The following USP40 variants were observed in gnomAD, a reference collection of about 807,000 sequenced individuals.
The protein encoded by USP40 is ubiquitin carboxyl-terminal hydrolase 40.
Under a neutral mutation model 166.2 loss-of-function variants are expected in USP40, and 143 were observed. The observed-to-expected ratio is 0.86, with a 90% CI of 0.75 to 0.99. USP40 has a LOEUF of 0.99. Ranked by LOEUF, USP40 falls within the 50% of genes least tolerant of loss-of-function variation. USP40 has a pLI of 0.00. For missense variants in USP40, 1,444 were observed against 1,479.7 expected (o/e 0.98, Z 0.40); for synonymous variants, 498 against 524.0 (o/e 0.95, Z 0.68).
At chr2:233,497,585 T>C (rs2065821530) in intron 23 of USP40, among the ~76,000 whole-genome samples, 1 of 152,218 alleles carries the variant, frequency 6.6e-6, no homozygotes, top group Admixed American at 6.5e-5. Flanking sequence ...GAAAGATACC[T>C]GGCAAGGCTG....
At chr2:233,550,437 C>T (rs963906667) in intron 7 of USP40, among the ~76,000 whole-genome samples, 2 of 151,358 alleles carry the variant, frequency 1.3e-5, no homozygotes, top group African/African-American at 2.4e-5. Context: ...TATTTGGTTA[C>T]GTCAATAATA....
rs755588227 is a variant in USP40 at position 233,556,850 on chromosome 2, T to A, written c.546+5A>T. On this transcript the variant is annotated splice_donor_5th_base_variant and intron_variant, in intron 5 of 31. Transcript: ENST00000678225. ...CTTATTACTAAAATACTCTGGCATA[T>A]TTACCTGCCTCTCGCTAACGTTCTT... The A allele has an allele frequency of 1.2e-5, 19 of 1,606,386 alleles. No homozygotes were observed. The South Asian group carries it at 1.9e-4, about 16-fold the overall frequency.
In USP40 at chr2:233,502,209, G is replaced by C. The variant is rs114839441; in HGVS notation, c.2614-2294C>G. ...ATACATCACTTTTGAAAAGTTTTGTGGTTTCTTTCCTTGAAATTAAAAAAT... is the reference window on the plus strand; with the variant it reads ...ATACATCACTTTTGAAAAGTTTTGTCGTTTCTTTCCTTGAAATTAAAAAAT... On this transcript the variant is annotated intron_variant, in intron 21 of 31. Coordinates refer to ENST00000678225, the MANE Select transcript of USP40 (RefSeq NM_001365479.2). 3.2e-3 allele frequency among the ~76,000 whole-genome samples: 485 copies of C among 152,164 alleles called. 3 individuals are homozygous for C. The highest frequency in any genetic ancestry group is 0.011 in the African/African-American group (463 of 41,492).
intron 3 of USP40, chr2:233,560,940 T>G (rs1376413903): frequency 1.4e-6 from 1 of 690,766 alleles, no homozygotes; most frequent in Non-Finnish European, 2.6e-6. Context: ...GAGTGTTACA[T>G]GTTTATAAAG....
chr2:233,494,979 T>TATATAC (rs1197969295), intron 24 of USP40, among the ~76,000 whole-genome samples: 44 of 74,918 alleles, frequency 5.9e-4, no homozygotes, highest in African/African-American at 2.2e-3. Flanking sequence ...TATATATATA[T>TATATAC]ACACACACAT....
At chr2:233,497,666 A>T (rs146970128) in intron 23 of USP40, among the ~76,000 whole-genome samples, 307 of 152,372 alleles carry the variant, frequency 2.0e-3, no homozygotes, top group Non-Finnish European at 2.8e-3. Flanking sequence ...TTTGGGAATT[A>T]ATAGAGAAGA....
intron 26 of USP40, chr2:233,489,728 A>C: frequency 2.5e-6 from 1 of 407,970 alleles, no homozygotes; most frequent in Non-Finnish European, 4.3e-6. Context: ...CCCTCTCTCT[A>C]AATCTGAGTC....
At chr2:233,530,150 C>A (rs2068397265) in intron 11 of USP40, among the ~76,000 whole-genome samples, 1 of 151,228 alleles carries the variant, frequency 6.6e-6, no homozygotes, top group African/African-American at 2.4e-5. Flanking sequence ...TGTAAAAATT[C>A]TGGAATTTTT....
chr2:233,528,967 G>A lies in USP40; in HGVS notation c.1553+464C>T, dbSNP rs149766507. 4.1e-4 allele frequency among the ~76,000 whole-genome samples: 62 copies of A among 152,342 alleles called. 1 individual carries two copies. The East Asian group carries it at 0.012, about 29-fold the overall frequency. On this transcript the variant is annotated intron_variant, in intron 12 of 31. Transcript: ENST00000678225. ...CATCATAGGCTTTCCCCCAAGATCA[G>A]CATTGCATTCAATAGGTTATAGCAT...
chr2:233,565,216 TA>T (rs1428944682), intron 2 of USP40, 139 bp downstream of exon 2: 1 of 683,866 alleles, frequency 1.5e-6, no homozygotes, highest in African/African-American at 1.8e-5. Context: ...ATTACCAATT[TA>T]TATCTTATAT....
intron 25 of USP40, among the ~76,000 whole-genome samples, chr2:233,491,817 A>T (rs1260436164): frequency 2.6e-5 from 4 of 152,288 alleles, no homozygotes; most frequent in Middle Eastern, 3.4e-3. Flanking sequence ...AAGTTTGTTT[A>T]AAAAAAGGGA....
chr2:233,564,498 G>A (rs1168364837), intron 2 of USP40, among the ~76,000 whole-genome samples: 2 of 152,024 alleles, frequency 1.3e-5, no homozygotes, highest in Admixed American at 6.6e-5. Flanking sequence ...AGAAACAGGG[G>A]CAAGAAATCA....
intron 18 of USP40, among the ~76,000 whole-genome samples, chr2:233,515,073 G>A (rs1190867598): frequency 1.3e-5 from 2 of 152,206 alleles, no homozygotes; most frequent in South Asian, 2.1e-4. Flanking sequence ...TGTGTTGTAT[G>A]TGGTGGAACT....
chr2:233,544,556 A>C (rs1375707356), intron 8 of USP40, among the ~76,000 whole-genome samples: 3 of 152,176 alleles, frequency 2.0e-5, no homozygotes, highest in Admixed American at 2.0e-4. Flanking sequence ...GAGGCATCTA[A>C]GAGTGACTTC....
intron 22 of USP40, among the ~76,000 whole-genome samples, chr2:233,499,208 G>A (rs1451456004): frequency 1.5e-5 from 2 of 133,822 alleles, no homozygotes; most frequent in Non-Finnish European, 3.0e-5. Context: ...CCCTCCCTGT[G>A]TCCATGTGTT....
chr2:233,542,203 ACACACATG>A (rs1481058897), intron 9 of USP40, 57 bp downstream of exon 9: 2 of 856,404 alleles, frequency 2.3e-6, no homozygotes, highest in Non-Finnish European at 3.5e-6. Flanking sequence ...TTACATATAT[ACACACATG>A]CACACATACA....
At chr2:233,482,594 TG>T (rs1442762380) in intron 30 of USP40, among the ~76,000 whole-genome samples, 38 of 138,892 alleles carry the variant, frequency 2.7e-4, no homozygotes, top group Non-Finnish European at 3.6e-4. Context: ...TTTTTTTTTT[TG>T]TTTTTTTTTT....
intron 8 of USP40, chr2:233,542,677 C>CAAA: frequency 6.6e-6 from 1 of 151,156 alleles, no homozygotes; most frequent in Non-Finnish European, 1.4e-5. Context: ...AAGACGTTGT[C>CAAA]AAAAAAAAAA....
rs573011310 is a variant in USP40, at chr2:233,486,155, T to A, written c.3198-178A>T. On this transcript the variant is annotated intron_variant, in intron 28 of 31. Transcript: ENST00000678225. The surrounding 1 kb of genome is among the most constrained non-coding windows in gnomAD (Gnocchi z 4.0). ...TATTCCGCATTTCAATTTCCTTTAA[T>A]CTTGGAATGAAGAGCGGAAGTGAAG... Among the ~76,000 whole-genome samples the A allele has an allele frequency of 6.6e-6, 1 of 152,268 alleles. No individual in the cohort carries two copies. Among genetic ancestry groups the A allele is most frequent in the African/African-American group, 2.4e-5 (1 of 41,552 alleles).
Sources: gnomAD v4.1 joint callset for allele counts (sites outside exome capture counted in the v4.1 genomes callset) on GRCh38, gnomAD v4.1.1 for gene constraint, Gnocchi (gnomAD v3.1) non-coding constraint, MANE v1.5 for transcripts, NCBI Gene and HGNC (gene_info 2026-07-23, HGNC 2026-07-21) for gene names.